The following FARP2 variants were observed in gnomAD, a reference collection of about 807,000 sequenced individuals.
The protein encoded by FARP2 is FERM, ARH/RhoGEF and pleckstrin domain protein 2.
In FARP2, 111 loss-of-function variants were observed where a neutral mutation model predicts 130.5. The observed-to-expected ratio is 0.85, with a 90% CI of 0.73 to 1.00. The LOEUF (loss-of-function observed/expected upper bound fraction) is 1.00. FARP2 is among the 50% of genes least tolerant of loss of function. The probability of loss-of-function intolerance (pLI) is 0.00; values close to 1 mark genes in which losing one functional copy is unlikely to be tolerated. For synonymous variants in FARP2, 504 were observed against 516.9 expected (o/e 0.98, Z 0.34); for missense variants, 1,385 against 1,346.3 (o/e 1.03, Z -0.45).
At chr2:241,385,213 T>C (rs1392556677) in intron 2 of FARP2, among the ~76,000 whole-genome samples, 2 of 152,164 alleles carry the variant, frequency 1.3e-5, no homozygotes, top group Non-Finnish European at 2.9e-5. Context: ...GTTTTGGAAA[T>C]GGTTGCTAGA....
At chr2:241,465,752 C>T (rs979927623) in intron 17 of FARP2, 33 of 1,550,612 alleles carry the variant, frequency 2.1e-5, no homozygotes, top group South Asian at 4.8e-5. Flanking sequence ...ACAGTGACGA[C>T]GACGACTCAA....
chr2:241,440,649 G>A (rs1342007316), intron 12 of FARP2, among the ~76,000 whole-genome samples: 1 of 152,062 alleles, frequency 6.6e-6, no homozygotes, highest in Non-Finnish European at 1.5e-5. Flanking sequence ...ACTCCCTCGC[G>A]ACGATACATC....
intron 12 of FARP2, among the ~76,000 whole-genome samples, chr2:241,437,394 A>G (rs570871099): frequency 6.6e-6 from 1 of 152,292 alleles, no homozygotes; most frequent in East Asian, 1.9e-4. Context: ...CTACTTCACT[A>G]CAGTCCCTTC....
intron 17 of FARP2, among the ~76,000 whole-genome samples, chr2:241,467,638 T>A (rs2064205876): frequency 7.0e-6 from 1 of 142,998 alleles, no homozygotes. Context: ...CTAGATCCAG[T>A]CTCAAAAAAA....
intron 1 of FARP2, among the ~76,000 whole-genome samples, chr2:241,361,635 G>A (rs2061188502): frequency 6.6e-6 from 1 of 152,278 alleles, no homozygotes; most frequent in Admixed American, 6.5e-5. Context: ...GACCTTGGAA[G>A]GAGTTGGTGC....
At chr2:241,489,636 G>C (rs2064845308) in intron 21 of FARP2, 1 of 188,774 alleles carries the variant, frequency 5.3e-6, no homozygotes, top group Non-Finnish European at 1.1e-5. Flanking sequence ...TTGGTCTTTG[G>C]TTCATAAATG....
chr2:241,375,531 CTGAG>C (rs2061517099), intron 2 of FARP2, among the ~76,000 whole-genome samples: 1 of 151,970 alleles, frequency 6.6e-6, no homozygotes, highest in South Asian at 2.1e-4. Flanking sequence ...TTCACCTTTA[CTGAG>C]TATGAGTCAT....
intron 19 of FARP2, among the ~76,000 whole-genome samples, chr2:241,476,695 AAAAT>A (rs1574898973): frequency 6.6e-6 from 1 of 152,188 alleles, no homozygotes; most frequent in Non-Finnish European, 1.5e-5. Flanking sequence ...GTCTCAAAAT[AAAAT>A]AAATAAAATA....
chr2:241,377,354 A>G (rs1389283607), intron 2 of FARP2, among the ~76,000 whole-genome samples: 3 of 113,606 alleles, frequency 2.6e-5, no homozygotes, highest in Admixed American at 1.2e-4. Context: ...TTTTTTTTTG[A>G]GACAGAGTCT....
At chr2:241,388,641 C>G (rs1310617819) in intron 2 of FARP2, among the ~76,000 whole-genome samples, 1 of 152,038 alleles carries the variant, frequency 6.6e-6, no homozygotes, top group Non-Finnish European at 1.5e-5. Context: ...CTCTTATAGC[C>G]TGGGCAACAT....
At chr2:241,477,175 G>T (rs1261133479) in intron 19 of FARP2, among the ~76,000 whole-genome samples, 1 of 141,418 alleles carries the variant, frequency 7.1e-6, no homozygotes, top group Non-Finnish European at 1.5e-5. Flanking sequence ...CTGTCACCAG[G>T]CTGGGGTGCA....
At chr2:241,362,288 T>C (rs1035390722) in intron 1 of FARP2, among the ~76,000 whole-genome samples, 30 of 152,116 alleles carry the variant, frequency 2.0e-4, no homozygotes, top group African/African-American at 7.0e-4. Flanking sequence ...GAACAAGAAA[T>C]GGAACCCAGA....
At chr2:241,426,579 A>G (rs1221342411) in intron 8 of FARP2, among the ~76,000 whole-genome samples, 2 of 152,198 alleles carry the variant, frequency 1.3e-5, no homozygotes, top group Admixed American at 6.5e-5. Flanking sequence ...GAATGGATGC[A>G]TGAGAGTAAA....
At chr2:241,422,200 A>G (rs6437259) in intron 8 of FARP2, among the ~76,000 whole-genome samples, 110,317 of 145,706 alleles carry the variant, frequency 0.76, 41,977 homozygotes, top group Admixed American at 0.84. Flanking sequence ...CAGATCACCT[A>G]AGGTCAGAAG....
intron 19 of FARP2, among the ~76,000 whole-genome samples, chr2:241,476,866 A>C (rs1346558365): frequency 6.6e-6 from 1 of 152,146 alleles, no homozygotes. Context: ...ACAGCAATTA[A>C]CAGTCACTTC....
At chr2:241,361,091 T>C (rs546818971) in intron 1 of FARP2, among the ~76,000 whole-genome samples, 6 of 152,046 alleles carry the variant, frequency 3.9e-5, no homozygotes, top group African/African-American at 1.2e-4. Context: ...ATTATTTTTC[T>C]GGTAACTGAT....
At chr2:241,363,987 G>T (rs1357655538) in intron 1 of FARP2, among the ~76,000 whole-genome samples, 1 of 152,226 alleles carries the variant, frequency 6.6e-6, no homozygotes, top group Non-Finnish European at 1.5e-5. Context: ...CTGCAGATTT[G>T]TGGCCTCCAT....
At chr2:241,402,158 T>C (rs2062185818) in intron 2 of FARP2, among the ~76,000 whole-genome samples, 1 of 152,220 alleles carries the variant, frequency 6.6e-6, no homozygotes, top group Admixed American at 6.5e-5. Flanking sequence ...TGAAAGTATC[T>C]GTAGGAAAAA....
chr2:241,392,814 A>G (rs1022443085), intron 2 of FARP2, among the ~76,000 whole-genome samples: 1 of 151,796 alleles, frequency 6.6e-6, no homozygotes, highest in Non-Finnish European at 1.5e-5. Flanking sequence ...GTGGTGATGT[A>G]TGCCTGTAAT....
Sources: allele counts gnomAD v4.1 joint callset (sites outside exome capture counted in the v4.1 genomes callset), GRCh38; gene constraint gnomAD v4.1.1; transcripts MANE v1.5; gene names NCBI Gene and HGNC (gene_info 2026-07-23, HGNC 2026-07-21).